PI4KA: variants seen among roughly 807,000 people sequenced by gnomAD.
PI4KA encodes the protein phosphatidylinositol 4-kinase alpha.
In PI4KA, 122 loss-of-function variants were observed where a neutral mutation model predicts 271.4. That is an observed-to-expected ratio of 0.45 (90% confidence interval 0.39 to 0.52). The LOEUF is 0.52. Ranked by LOEUF, PI4KA falls within the 20% of genes least tolerant of loss-of-function variation. The pLI is 0.00. For synonymous variants in PI4KA, 1,041 were observed against 1,078.8 expected (o/e 0.96, Z 0.69); for missense variants, 1,969 against 2,769.1 (o/e 0.71, Z 6.48).
intron 42 of PI4KA, among the ~76,000 whole-genome samples, chr22:20,724,304 T>TA (rs879345723): frequency 1.5e-3 from 186 of 125,730 alleles, no homozygotes; most frequent in Admixed American, 2.4e-3. Flanking sequence ...AAACTCTGTC[T>TA]AAAAAAAAAA....
chr22:20,803,419 A>G (rs1230702273), intron 12 of PI4KA, 99 bp from the exon 13 acceptor site: 1 of 1,475,574 alleles, frequency 6.8e-7, no homozygotes, highest in Non-Finnish European at 9.3e-7. Flanking sequence ...CCCAAGTCTG[A>G]CCCAAAACTT....
At chr22:20,806,459 C>CCCT (rs1170036772) in intron 10 of PI4KA, among the ~76,000 whole-genome samples, 1 of 151,980 alleles carries the variant, frequency 6.6e-6, no homozygotes, top group Non-Finnish European at 1.5e-5. Flanking sequence ...CATTTGAGGC[C>CCCT]AGGAGTTCAA....
At chr22:20,765,280 A>C in intron 20 of PI4KA, 44 bp from the exon 21 acceptor site, 2 of 1,563,310 alleles carry the variant, frequency 1.3e-6, no homozygotes, top group Non-Finnish European at 1.7e-6. Context: ...CTTGGTCGGA[A>C]AGCACTGCAG....
At chr22:20,787,123 CCAA>C (rs1299584631) in intron 19 of PI4KA, 28 of 1,451,700 alleles carry the variant, frequency 1.9e-5, no homozygotes, top group Non-Finnish European at 2.6e-5. Flanking sequence ...TGTTTCCATT[CCAA>C]CAACGAGAAC....
intron 23 of PI4KA, among the ~76,000 whole-genome samples, chr22:20,753,497 T>C (rs918689266): frequency 1.3e-5 from 2 of 152,234 alleles, no homozygotes; most frequent in Non-Finnish European, 2.9e-5. Flanking sequence ...ATTTAATCTG[T>C]GTCTCCTACT....
chr22:20,729,302 C>T lies in PI4KA; in HGVS notation c.4682+11G>A, dbSNP rs374872509. ...GAGGCCTGTGTCAGGCTGTGGTGCC[C>T]GGGGGCCCACCTGGCAGGCAGCTGC... On this transcript the variant is annotated intron_variant, in intron 39 of 54. Transcript: ENST00000255882. 8.2e-5 allele frequency: 132 copies of T among 1,608,484 alleles called. 1 individual carries two copies. Among genetic ancestry groups the T allele is most frequent in the East Asian group, 4.5e-5 (2 of 44,866 alleles).
intron 19 of PI4KA, among the ~76,000 whole-genome samples, chr22:20,781,897 A>G (rs1023662552): frequency 6.6e-6 from 1 of 152,212 alleles, no homozygotes; most frequent in African/African-American, 2.4e-5. Flanking sequence ...CAGAGATGAC[A>G]CCCACTCTGA....
In PI4KA at chr22:20,765,596, A is replaced by G. The variant is rs778545915; in HGVS notation, c.2426T>C (p.Val809Ala). Residue 809 changes from valine (V) to alanine (A), a missense_variant, in exon 20 of 55, where the codon GTG becomes GCG. Transcript: ENST00000255882. ...WLYSVLMGFA[V>A]EGSGLWPEEW... ...GATGATCCCCCTACCTGAGCCCTCC[A>G]CAGCGAATCCCATCAGAACGGAATA... 2 of 1,599,726 alleles carry G rather than the reference A, an allele frequency of 1.3e-6. No homozygotes were observed. Among genetic ancestry groups the G allele is most frequent in the Admixed American group, 3.3e-5 (2 of 59,838 alleles).
At chr22:20,767,053 G>C (rs1242719629) in intron 19 of PI4KA, among the ~76,000 whole-genome samples, 3 of 152,128 alleles carry the variant, frequency 2.0e-5, no homozygotes, top group African/African-American at 7.2e-5. Flanking sequence ...TTAAAAAGCT[G>C]ATTTAGGCAC....
intron 29 of PI4KA, among the ~76,000 whole-genome samples, chr22:20,746,192 A>T (rs900156557): frequency 6.6e-6 from 1 of 150,484 alleles, no homozygotes; most frequent in African/African-American, 2.5e-5. Context: ...CCTCCCAAGT[A>T]GCTGGGACTA....
chr22:20,794,874 G>C (rs555992117), intron 18 of PI4KA, among the ~76,000 whole-genome samples: 1 of 152,268 alleles, frequency 6.6e-6, no homozygotes, highest in East Asian at 1.9e-4. Flanking sequence ...ACGCCTGTTC[G>C]TTCATAGACA....
chr22:20,742,193 C>T, intron 32 of PI4KA, 35 bp downstream of exon 32: 1 of 1,607,976 alleles, frequency 6.2e-7, no homozygotes, highest in Non-Finnish European at 8.5e-7. Flanking sequence ...TTATCCCATC[C>T]CATCCTCACT....
At chr22:20,797,746 A>G (rs1305066240) in intron 17 of PI4KA, among the ~76,000 whole-genome samples, 1 of 152,078 alleles carries the variant, frequency 6.6e-6, no homozygotes, top group Non-Finnish European at 1.5e-5. Flanking sequence ...GCTACATGGC[A>G]TGGCTCCACA....
In PI4KA at chr22:20,721,326, A is replaced by G. The variant is rs2147204574; in HGVS notation, c.5088T>C (p.Tyr1696=). The G allele has an allele frequency of 6.2e-7, 1 of 1,614,090 alleles. No individual in the cohort carries two copies. Among genetic ancestry groups the G allele is most frequent in the East Asian group, 2.2e-5 (1 of 44,888 alleles). The change falls in exon 43 of 55, where the codon TAT becomes TAC. Residue 1696 remains tyrosine, a synonymous_variant. Coordinates refer to ENST00000255882, the MANE Select transcript of PI4KA (RefSeq NM_058004.4). ...QFIWNMKTNI[Y]LDEEGHQKDP... ...CTTTCTGGTGGCCCTCTTCATCTAG[A>G]TAAATGTTAGTCTTCATGTTCCAGA...
chr22:20,721,540 T>C (rs1010614545), intron 42 of PI4KA, 122 bp from the exon 43 acceptor site: 22 of 995,916 alleles, frequency 2.2e-5, no homozygotes, highest in Admixed American at 3.8e-5. Flanking sequence ...GTGGCTCTAG[T>C]GGTGTGGACA....
chr22:20,814,572 A>T (rs1016874115), intron 7 of PI4KA, among the ~76,000 whole-genome samples: 18 of 151,962 alleles, frequency 1.2e-4, no homozygotes, highest in Non-Finnish European at 2.2e-4. Flanking sequence ...CAATATAGGG[A>T]GATCCTGTCT....
intron 18 of PI4KA, among the ~76,000 whole-genome samples, chr22:20,795,612 G>A (rs184299787): frequency 1.3e-5 from 2 of 152,274 alleles, no homozygotes; most frequent in Admixed American, 1.3e-4. Flanking sequence ...AGCGACTAGT[G>A]CCCACGTGAC....
rs1308817593 is a variant in PI4KA at position 20,727,816 on chromosome 22, C to G, written c.4731G>C (p.Arg1577=). 1 of 1,614,176 alleles carries G rather than the reference C, an allele frequency of 6.2e-7. No individual in the cohort carries two copies. Among genetic ancestry groups the G allele is most frequent in the Admixed American group, 1.7e-5 (1 of 60,022 alleles). Residue 1577 remains arginine (R), a synonymous_variant, in exon 40 of 55, where the codon CGG becomes CGC. Coordinates refer to ENST00000255882, the MANE Select transcript of PI4KA (RefSeq NM_058004.4). ...AIGNEVTRLV[R]LDPGAVSDVP... ...CATCACTAACGGCTCCCGGGTCCAACCGAACGAGACGGGTCACTTCGTTCC... is the reference window on the plus strand; with the variant it reads ...CATCACTAACGGCTCCCGGGTCCAAGCGAACGAGACGGGTCACTTCGTTCC...
intron 19 of PI4KA, among the ~76,000 whole-genome samples, chr22:20,774,758 CAA>C (rs361993): frequency 1.5e-3 from 159 of 107,300 alleles, no homozygotes; most frequent in Middle Eastern, 4.8e-3. Context: ...TAGACTCCGT[CAA>C]AAAAAAAAAA....
Sources: gnomAD v4.1 joint callset for allele counts (sites outside exome capture counted in the v4.1 genomes callset) on GRCh38, gnomAD v4.1.1 for gene constraint, MANE v1.5 for transcripts, NCBI Gene and HGNC (gene_info 2026-07-23, HGNC 2026-07-21) for gene names.